Variants in ALG14 observed in about 807,000 individuals in gnomAD.
ALG14 encodes the protein UDP-N-acetylglucosamine transferase subunit ALG14.
A neutral mutation model predicts 22.8 loss-of-function variants in ALG14; 17 were observed. The observed-to-expected ratio is 0.75, with a 90% confidence interval of 0.51 to 1.12. The LOEUF (loss-of-function observed/expected upper bound fraction) is 1.12. Among genes scored for constraint, ALG14 ranks in the 50% most tolerant of loss-of-function variants. The pLI is 0.00. For synonymous variants in ALG14, 89 were observed against 103.7 expected (o/e 0.86, Z 0.86); for missense variants, 288 against 271.8 (o/e 1.06, Z -0.42).
intron 2 of ALG14, among the ~76,000 whole-genome samples, chr1:95,054,958 C>T (rs142224657): frequency 5.3e-5 from 8 of 152,262 alleles, no homozygotes; most frequent in African/African-American, 9.6e-5. Flanking sequence ...AAATATAACA[C>T]ACCATAAACA....
intron 2 of ALG14, among the ~76,000 whole-genome samples, chr1:95,063,061 C>T (rs911204069): frequency 7.9e-5 from 12 of 152,102 alleles, no homozygotes; most frequent in Admixed American, 7.9e-4. Context: ...TGATGTTGAG[C>T]TTTCTTTCAT....
At chr1:95,006,446 T>C (rs1329631426) in intron 3 of ALG14, among the ~76,000 whole-genome samples, 2 of 152,120 alleles carry the variant, frequency 1.3e-5, no homozygotes, top group East Asian at 1.9e-4. Context: ...CATATATAAA[T>C]TGAATTGAAT....
intron 2 of ALG14, among the ~76,000 whole-genome samples, chr1:95,034,299 T>G (rs1017963978): frequency 1.3e-5 from 2 of 152,232 alleles, no homozygotes; most frequent in African/African-American, 4.8e-5. Flanking sequence ...TGTTCATTTA[T>G]GTGTATATGT....
chr1:94,987,109 C>T (rs779460861), intron 3 of ALG14, among the ~76,000 whole-genome samples: 1 of 152,130 alleles, frequency 6.6e-6, no homozygotes, highest in African/African-American at 2.4e-5. Context: ...ATGTAGAGAG[C>T]TTGAGAATGA....
intron 3 of ALG14, among the ~76,000 whole-genome samples, chr1:95,000,777 TAAA>T (rs56810994): frequency 4.6e-5 from 3 of 65,232 alleles, no homozygotes; most frequent in Non-Finnish European, 9.3e-5. Flanking sequence ...TATGCCACAC[TAAA>T]AAAAAAAAAA....
chr1:95,032,405 G>A (rs1674038772), intron 2 of ALG14, among the ~76,000 whole-genome samples: 1 of 152,112 alleles, frequency 6.6e-6, no homozygotes, highest in Non-Finnish European at 1.5e-5. Flanking sequence ...GGGTAGTGCA[G>A]GGAATTGTGG....
At position 95,072,779 on chromosome 1, in the gene ALG14, C is replaced by G; in HGVS notation, c.120G>C (p.Leu40Phe). The part of the protein sequence containing the change: ...DVTPRESLSI[L>F]VVAGSGGHTT... ...GATACTTACCGGACCCAGCCACTACCAAGATACTGAGAGACTCCCGGGGCG... is the reference window on the plus strand; with the variant it reads ...GATACTTACCGGACCCAGCCACTACGAAGATACTGAGAGACTCCCGGGGCG... The change falls in exon 1 of 4, where the codon TTG becomes TTC. Residue 40 changes from leucine (L) to phenylalanine (F), a missense_variant. By Grantham distance (22) the Leu-to-Phe change is conservative. Coordinates refer to ENST00000370205, the MANE Select transcript of ALG14 (RefSeq NM_144988.4). The G allele has an allele frequency of 6.2e-7, 1 of 1,614,166 alleles. No homozygotes were observed. Among genetic ancestry groups the G allele is most frequent in the East Asian group, 2.2e-5 (1 of 44,876 alleles).
At chr1:95,041,772 G>A (rs1191706881) in intron 2 of ALG14, among the ~76,000 whole-genome samples, 1 of 152,322 alleles carries the variant, frequency 6.6e-6, no homozygotes, top group South Asian at 2.1e-4. Context: ...CCACCTTGTG[G>A]AAAACAGTAG....
At chr1:95,040,131 C>T (rs1379411034) in intron 2 of ALG14, among the ~76,000 whole-genome samples, 1 of 151,784 alleles carries the variant, frequency 6.6e-6, no homozygotes, top group African/African-American at 2.4e-5. Context: ...AAGATTGAAC[C>T]ACTGCACTCC....
chr1:94,997,664 G>A (rs1672944443), intron 3 of ALG14, among the ~76,000 whole-genome samples: 1 of 152,202 alleles, frequency 6.6e-6, no homozygotes, highest in African/African-American at 2.4e-5. Flanking sequence ...GTAATATGTG[G>A]ATTTGAGTAG....
intron 2 of ALG14, among the ~76,000 whole-genome samples, chr1:95,029,112 G>T (rs1344352611): frequency 6.6e-6 from 1 of 152,190 alleles, no homozygotes; most frequent in Non-Finnish European, 1.5e-5. Flanking sequence ...GTGGCTTGCA[G>T]TGACTCATGA....
At chr1:95,056,796 C>T (rs150254963) in intron 2 of ALG14, among the ~76,000 whole-genome samples, 7,085 of 150,376 alleles carry the variant, frequency 0.047, 224 homozygotes, top group South Asian at 0.084. Context: ...TGGTGGCTCA[C>T]GCCTGTAATC....
At chr1:95,041,931 T>C (rs1045004157) in intron 2 of ALG14, among the ~76,000 whole-genome samples, 11 of 152,154 alleles carry the variant, frequency 7.2e-5, no homozygotes, top group African/African-American at 2.7e-4. Context: ...TTTATTACAC[T>C]AGCAGCAAAA....
At position 94,987,545 on chromosome 1, in the gene ALG14, A is replaced by T. The variant is rs554580729; in HGVS notation, c.421-4239T>A. On this transcript the variant is annotated intron_variant, in intron 3 of 3. Transcript: ENST00000370205. ...AAGGTCATGAGCATAGATGAGCCAG[A>T]TCAAGGATCAAGAGCAGTTTCAACA... 1.2e-4 allele frequency among the ~76,000 whole-genome samples: 18 copies of T among 152,348 alleles called. No homozygotes were observed. The South Asian group carries it at 3.7e-3, about 32-fold the overall frequency.
intron 2 of ALG14, among the ~76,000 whole-genome samples, chr1:95,054,198 G>T (rs753578325): frequency 6.6e-6 from 1 of 152,156 alleles, no homozygotes; most frequent in Non-Finnish European, 1.5e-5. Context: ...ATCTCATGTC[G>T]AATTGTAATC....
intron 2 of ALG14, among the ~76,000 whole-genome samples, chr1:95,036,727 C>A (rs1674211498): frequency 6.6e-6 from 1 of 152,076 alleles, no homozygotes; most frequent in African/African-American, 2.4e-5. Flanking sequence ...GCGCCTGGCC[C>A]AAGCTTCTTT....
chr1:95,017,140 C>A lies in ALG14; in HGVS notation c.420+9989G>T, dbSNP rs1200547756. Among the ~76,000 whole-genome samples the A allele has an allele frequency of 3.9e-5, 6 of 152,140 alleles. No individual in the cohort carries two copies. In the East Asian group the frequency reaches 7.7e-4, roughly 20 times the overall value. The stretch of plus-strand genomic sequence containing the variant: ...CTGATAAAAAAGACAAGGCAGGAGG[C>A]CCTGATGAGTGCTGGTCTTAGAAAT... On this transcript the variant is annotated intron_variant, in intron 3 of 3. Coordinates refer to ENST00000370205, the MANE Select transcript of ALG14 (RefSeq NM_144988.4).
At chr1:95,047,411 T>A (rs1209201790) in intron 2 of ALG14, among the ~76,000 whole-genome samples, 1 of 152,134 alleles carries the variant, frequency 6.6e-6, no homozygotes. Flanking sequence ...TGGCGTGATC[T>A]CGGCTCACTG....
intron 3 of ALG14, among the ~76,000 whole-genome samples, chr1:95,015,413 G>C (rs747673759): frequency 2.6e-5 from 4 of 152,180 alleles, no homozygotes; most frequent in Non-Finnish European, 4.4e-5. Context: ...TTTGGGGAGG[G>C]AGAAAATTCA....
Sources: gnomAD v4.1 joint callset for allele counts (sites outside exome capture counted in the v4.1 genomes callset) on GRCh38, gnomAD v4.1.1 for gene constraint, MANE v1.5 for transcripts, NCBI Gene and HGNC (gene_info 2026-07-23, HGNC 2026-07-21) for gene names.